Variants in EML5 observed in about 807,000 individuals in gnomAD.
EML5 encodes echinoderm microtubule-associated protein-like 5.
A neutral mutation model predicts 250.0 loss-of-function variants in EML5; 120 were observed. The observed-to-expected ratio is 0.48, with a 90% CI of 0.41 to 0.56. The LOEUF (loss-of-function observed/expected upper bound fraction) is 0.56, where lower values mean the gene tolerates loss of function less well. Ranked by LOEUF, EML5 falls within the 20% of genes least tolerant of loss-of-function variation. The probability of loss-of-function intolerance (pLI) is 0.00; values close to 1 mark genes in which losing one functional copy is unlikely to be tolerated. For synonymous variants in EML5, 771 were observed against 806.5 expected (o/e 0.96, Z 0.75); for missense variants, 2,006 against 2,437.6 (o/e 0.82, Z 3.73).
At chr14:88,697,045 G>A (rs1480717576) in intron 14 of EML5, 93 bp from the exon 15 acceptor site, 1 of 793,520 alleles carries the variant, frequency 1.3e-6, no homozygotes, top group East Asian at 3.0e-5. Context: ...TTTACAGCTT[G>A]ACTTATTTAC....
chr14:88,792,517 C>T lies in EML5; in HGVS notation c.-14G>A. 2 of 1,340,778 alleles carry T rather than the reference C, an allele frequency of 1.5e-6. No individual in the cohort carries two copies. The highest frequency in any genetic ancestry group is 3.1e-5 in the East Asian group (1 of 32,082). 83.1% of individuals were successfully genotyped at this position (1,340,778 alleles called of 1,614,324 possible). A position where few individuals can be genotyped will look rare whatever the true frequency, so the allele number is the denominator to read the frequency against. On this transcript the variant is annotated 5_prime_UTR_variant, in exon 1 of 44. In the 5' UTR this introduces an upstream ATG that the reference lacks. Transcript: ENST00000554922. The surrounding 1 kb of genome is among the most constrained non-coding windows in gnomAD (Gnocchi z 6.9). ...CCGGGCCGCCATGTCGGGGCGCCCA[C>T]CCGCCGCTCCCGCTCGGGCCCGCGG...
intron 7 of EML5, among the ~76,000 whole-genome samples, chr14:88,730,907 T>C (rs1464308797): frequency 6.6e-6 from 1 of 152,182 alleles, no homozygotes; most frequent in Non-Finnish European, 1.5e-5. Context: ...TTATTCATTG[T>C]ATTATTCTTT....
At chr14:88,728,061 G>A (rs1225841083) in intron 7 of EML5, among the ~76,000 whole-genome samples, 2 of 152,142 alleles carry the variant, frequency 1.3e-5, no homozygotes, top group Middle Eastern at 3.2e-3. Context: ...CAGTACTTAG[G>A]AGGAACTTTT....
intron 35 of EML5, chr14:88,626,590 C>G: frequency 2.2e-6 from 1 of 463,232 alleles, no homozygotes; most frequent in South Asian, 2.4e-5. Context: ...GCACCCCAGC[C>G]CAGGCGACAG....
At chr14:88,680,667 A>AT (rs2092697155) in intron 21 of EML5, among the ~76,000 whole-genome samples, 1 of 152,172 alleles carries the variant, frequency 6.6e-6, no homozygotes, top group Non-Finnish European at 1.5e-5. Flanking sequence ...ACTCATAGTG[A>AT]TAATCTAATA....
rs1273352626 is a variant in EML5 at position 88,726,677 on chromosome 14, T to A, written c.1051A>T (p.Ile351Leu). 17 of 1,528,644 alleles carry A rather than the reference T, an allele frequency of 1.1e-5. No homozygotes were observed. Among genetic ancestry groups the A allele is most frequent in the Admixed American group, 2.2e-5 (1 of 46,282 alleles). The allele number at this position is 1,528,644 out of a possible 1,614,324, so 94.7% of individuals were successfully genotyped here. A position where few individuals can be genotyped will look rare whatever the true frequency, so the allele number is the denominator to read the frequency against. Residue 351 changes from isoleucine (I) to leucine (L), a missense_variant and splice_region_variant, in exon 8 of 44, where the codon ATA becomes TTA. Transcript: ENST00000554922. The stretch of plus-strand genomic sequence containing the variant: ...AATGCATGATCTACTAGGCTCCATA[T>A]CCTGTAAAATTTAATTTAAAAAATA... ...VTGSDDRSVR[I>L]WSLVDHALIA...
intron 21 of EML5, among the ~76,000 whole-genome samples, chr14:88,681,411 C>A (rs747394848): frequency 2.0e-5 from 3 of 152,216 alleles, no homozygotes; most frequent in Non-Finnish European, 2.9e-5. Context: ...GAGATTGAGA[C>A]CAGCCTGGCC....
At chr14:88,675,493 T>C (rs1355269118) in intron 21 of EML5, among the ~76,000 whole-genome samples, 5 of 152,208 alleles carry the variant, frequency 3.3e-5, no homozygotes, top group African/African-American at 1.2e-4. Flanking sequence ...ACCAAGTCCC[T>C]AGGCTGCACA....
At chr14:88,741,861 T>C (rs951389720) in intron 4 of EML5, among the ~76,000 whole-genome samples, 1 of 152,186 alleles carries the variant, frequency 6.6e-6, no homozygotes, top group African/African-American at 2.4e-5. Flanking sequence ...TATTCTTATT[T>C]TAAAATTTGA....
At chr14:88,787,039 A>G (rs1227224784) in intron 1 of EML5, among the ~76,000 whole-genome samples, 1 of 152,230 alleles carries the variant, frequency 6.6e-6, no homozygotes, top group Non-Finnish European at 1.5e-5. Flanking sequence ...GGAGAAAAGG[A>G]ACTGAAGATA....
intron 1 of EML5, among the ~76,000 whole-genome samples, chr14:88,757,956 C>T (rs1595796379): frequency 6.6e-6 from 1 of 151,652 alleles, no homozygotes; most frequent in East Asian, 1.9e-4. Context: ...ACTTAAGACT[C>T]ATCCTCCTGC....
intron 30 of EML5, among the ~76,000 whole-genome samples, chr14:88,643,999 G>A (rs2091215031): frequency 6.6e-6 from 1 of 152,192 alleles, no homozygotes; most frequent in Non-Finnish European, 1.5e-5. Flanking sequence ...ACTTTGGCTG[G>A]AAGCAGAGAC....
At chr14:88,702,388 A>G (rs2093231722) in intron 14 of EML5, 58 bp downstream of exon 14, 4 of 1,353,270 alleles carry the variant, frequency 3.0e-6, no homozygotes, top group Non-Finnish European at 4.0e-6. Context: ...TGATTAATTT[A>G]TTTAAACTCA....
At chr14:88,616,005 T>A (rs1368158428) in intron 43 of EML5, 137 bp downstream of exon 43, 15 of 1,267,410 alleles carry the variant, frequency 1.2e-5, no homozygotes, top group Admixed American at 8.3e-5. Flanking sequence ...TATGAGATTC[T>A]GAAGAGCCAT....
At chr14:88,618,366 A>G in intron 40 of EML5, 35 bp from the exon 41 acceptor site, 1 of 1,580,886 alleles carries the variant, frequency 6.3e-7, no homozygotes, top group Non-Finnish European at 8.7e-7. Flanking sequence ...CAAGAATTCC[A>G]TTAGGTGAGA....
chr14:88,659,020 TG>T (rs1298174534), intron 25 of EML5, among the ~76,000 whole-genome samples: 1 of 152,194 alleles, frequency 6.6e-6, no homozygotes, highest in African/African-American at 2.4e-5. Context: ...TGCTTTTTTT[TG>T]TAAGCAATAC....
At chr14:88,771,398 C>T (rs34758290) in intron 1 of EML5, among the ~76,000 whole-genome samples, 13,826 of 152,220 alleles carry the variant, frequency 0.091, 726 homozygotes, top group Non-Finnish European at 0.12. Flanking sequence ...TTGAACTCTC[C>T]GCTTGTGTTC....
At chr14:88,654,816 T>TCA (rs1391895435) in intron 27 of EML5, among the ~76,000 whole-genome samples, 1 of 152,182 alleles carries the variant, frequency 6.6e-6, no homozygotes, top group Non-Finnish European at 1.5e-5. Context: ...AGAGCTGAGT[T>TCA]CAACTCCTGA....
At chr14:88,707,002 T>A (rs1042640498) in intron 10 of EML5, among the ~76,000 whole-genome samples, 54 of 152,330 alleles carry the variant, frequency 3.5e-4, no homozygotes, top group Non-Finnish European at 6.6e-4. Flanking sequence ...ATAATCATTT[T>A]AAAAATCCAG....
Sources: gnomAD v4.1 joint callset for allele counts (sites outside exome capture counted in the v4.1 genomes callset) on GRCh38, gnomAD v4.1.1 for gene constraint, Gnocchi (gnomAD v3.1) non-coding constraint, MANE v1.5 for transcripts, NCBI Gene and HGNC (gene_info 2026-07-23, HGNC 2026-07-21) for gene names.